The following SH3RF3 variants were observed in gnomAD, a reference collection of about 807,000 sequenced individuals.
SH3RF3 encodes E3 ubiquitin-protein ligase SH3RF3.
In SH3RF3, 29 loss-of-function variants were observed where a neutral mutation model predicts 66.3. The ratio of observed to expected loss-of-function variants is 0.44; its 90% CI spans 0.33 to 0.60. SH3RF3 has a LOEUF of 0.60. SH3RF3 is among the 20% of genes least tolerant of loss of function. The pLI, the probability that SH3RF3 is intolerant of heterozygous loss-of-function variation, is 0.04. For synonymous variants in SH3RF3, 583 were observed against 532.0 expected (o/e 1.10, Z -1.32); for missense variants, 1,194 against 1,190.9 (o/e 1.00, Z -0.04).
At chr2:109,146,881 T>TCCCC (rs1325774239) in intron 1 of SH3RF3, among the ~76,000 whole-genome samples, 3 of 7,808 alleles carry the variant, frequency 3.8e-4, no homozygotes, top group Admixed American at 1.7e-3. Context: ...TCTTCTTTTT[T>TCCCC]CCCTCCCCCC....
intron 3 of SH3RF3, among the ~76,000 whole-genome samples, chr2:109,389,528 C>T (rs867029088): frequency 3.3e-5 from 5 of 152,184 alleles, no homozygotes; most frequent in Non-Finnish European, 2.9e-5. Flanking sequence ...TTAAAAAGGC[C>T]GGTCAGGACC....
chr2:109,360,854 G>A (rs928763143), intron 2 of SH3RF3, among the ~76,000 whole-genome samples: 3 of 152,148 alleles, frequency 2.0e-5, no homozygotes, highest in African/African-American at 7.2e-5. Flanking sequence ...TTAGTATGAT[G>A]TTAAAAAGCA....
At chr2:109,461,068 G>A (rs1360019170) in intron 8 of SH3RF3, among the ~76,000 whole-genome samples, 1 of 152,256 alleles carries the variant, frequency 6.6e-6, no homozygotes, top group African/African-American at 2.4e-5. Context: ...AGGCAGCATA[G>A]CAGGAGTGGT....
intron 3 of SH3RF3, among the ~76,000 whole-genome samples, chr2:109,388,702 C>A (rs1011792729): frequency 1.5e-4 from 23 of 152,188 alleles, no homozygotes; most frequent in Non-Finnish European, 3.1e-4. Flanking sequence ...TTTGAAGCAT[C>A]TGTGAAATGA....
intron 7 of SH3RF3, among the ~76,000 whole-genome samples, chr2:109,446,535 G>A (rs999196399): frequency 2.0e-5 from 3 of 152,178 alleles, no homozygotes; most frequent in Non-Finnish European, 2.9e-5. Flanking sequence ...GCAGGGTCAG[G>A]CAGCACCGTG....
intron 2 of SH3RF3, among the ~76,000 whole-genome samples, chr2:109,368,909 T>A (rs2105667498): frequency 6.6e-6 from 1 of 151,946 alleles, no homozygotes; most frequent in East Asian, 1.9e-4. Flanking sequence ...CTTAGGCTGA[T>A]CTGAGCTGGG....
intron 8 of SH3RF3, among the ~76,000 whole-genome samples, chr2:109,457,815 C>T (rs1268174825): frequency 6.6e-6 from 1 of 152,198 alleles, no homozygotes; most frequent in Non-Finnish European, 1.5e-5. Context: ...AAAACAAGCG[C>T]ACACCCCATA....
At chr2:109,344,844 G>A (rs1213124231) in intron 1 of SH3RF3, among the ~76,000 whole-genome samples, 1 of 152,180 alleles carries the variant, frequency 6.6e-6, no homozygotes, top group Non-Finnish European at 1.5e-5. Flanking sequence ...CAGCCTCTAG[G>A]AGCTTGCAGA....
At chr2:109,276,018 A>T (rs1680749203) in intron 1 of SH3RF3, among the ~76,000 whole-genome samples, 1 of 152,174 alleles carries the variant, frequency 6.6e-6, no homozygotes, top group Non-Finnish European at 1.5e-5. Flanking sequence ...AATCCTGGAG[A>T]GGATTTCATG....
intron 8 of SH3RF3, among the ~76,000 whole-genome samples, chr2:109,472,521 G>A (rs747692968): frequency 6.6e-6 from 1 of 152,196 alleles, no homozygotes; most frequent in Non-Finnish European, 1.5e-5. Flanking sequence ...TTTGATTTAC[G>A]GTTGCTGCCT....
rs1007798397 is a variant in SH3RF3, at chr2:109,221,377, G to A, written c.573+91264G>A. On this transcript the variant is annotated intron_variant, in intron 1 of 9. Coordinates refer to ENST00000309415, the MANE Select transcript of SH3RF3 (RefSeq NM_001099289.3). The stretch of plus-strand genomic sequence containing the variant: ...ACAGGCAGATCACTTGAGCTCAGGC[G>A]TTTGAGACCAGCCTGGCCAATATGG... Among the ~76,000 whole-genome samples the A allele has an allele frequency of 2.9e-4, 44 of 152,130 alleles. 1 individual carries two copies. Among genetic ancestry groups the A allele is most frequent in the African/African-American group, 2.4e-5 (1 of 41,438 alleles).
intron 1 of SH3RF3, among the ~76,000 whole-genome samples, chr2:109,266,569 G>A (rs1452458756): frequency 1.3e-5 from 2 of 152,090 alleles, no homozygotes; most frequent in Admixed American, 6.5e-5. Flanking sequence ...CACCAGGGAC[G>A]TTTTGTGCCT....
At chr2:109,369,051 C>T (rs892948933) in intron 2 of SH3RF3, among the ~76,000 whole-genome samples, 3 of 152,060 alleles carry the variant, frequency 2.0e-5, no homozygotes, top group Admixed American at 1.3e-4. Flanking sequence ...TTAGAAAAGC[C>T]CTCCCACACT....
chr2:109,244,579 G>C (rs1038733178), intron 1 of SH3RF3, among the ~76,000 whole-genome samples: 1 of 152,188 alleles, frequency 6.6e-6, no homozygotes, highest in African/African-American at 2.4e-5. Flanking sequence ...CCTAATAGTT[G>C]CTATAGGAAT....
chr2:109,224,413 G>T (rs1679323503), intron 1 of SH3RF3, among the ~76,000 whole-genome samples: 2 of 152,196 alleles, frequency 1.3e-5, no homozygotes, highest in African/African-American at 4.8e-5. Flanking sequence ...TTGTTCTGAT[G>T]TAAAAGGGAC....
At chr2:109,280,344 C>T (rs1390148918) in intron 1 of SH3RF3, among the ~76,000 whole-genome samples, 1 of 152,170 alleles carries the variant, frequency 6.6e-6, no homozygotes, top group Non-Finnish European at 1.5e-5. Flanking sequence ...CACAGCCAGC[C>T]AGTGGCAGTG....
rs533876669 is a variant in SH3RF3 at position 109,189,738 on chromosome 2, A to G, written c.573+59625A>G. On this transcript the variant is annotated intron_variant, in intron 1 of 9. Coordinates refer to ENST00000309415, the MANE Select transcript of SH3RF3 (RefSeq NM_001099289.3). ...CATTAAAAATAGCTTTTAGGTTTGCATCATTATCTGCACTGTCTGGAGCTT... is the reference window on the plus strand; with the variant it reads ...CATTAAAAATAGCTTTTAGGTTTGCGTCATTATCTGCACTGTCTGGAGCTT... 3.3e-5 allele frequency among the ~76,000 whole-genome samples: 5 copies of G among 152,318 alleles called. No individual in the cohort carries two copies. The South Asian group carries it at 6.2e-4, about 19-fold the overall frequency.
chr2:109,276,737 C>T (rs1050599101), intron 1 of SH3RF3, among the ~76,000 whole-genome samples: 3 of 152,124 alleles, frequency 2.0e-5, no homozygotes, highest in Non-Finnish European at 4.4e-5. Context: ...TTTTGTGATA[C>T]CTCAGCCTTC....
intron 1 of SH3RF3, among the ~76,000 whole-genome samples, chr2:109,286,829 T>C (rs1167258335): frequency 6.6e-6 from 1 of 152,360 alleles, no homozygotes; most frequent in Admixed American, 6.5e-5. Flanking sequence ...GTAGCCATTC[T>C]ACCTTTCCCA....
Sources: allele counts gnomAD v4.1 joint callset (sites outside exome capture counted in the v4.1 genomes callset), GRCh38; gene constraint gnomAD v4.1.1; transcripts MANE v1.5; gene names NCBI Gene and HGNC (gene_info 2026-07-23, HGNC 2026-07-21).